Variants in ASZ1 observed in about 807,000 individuals in gnomAD.
The protein encoded by ASZ1 is ankyrin repeat, SAM and basic leucine zipper domain containing 1, also known as ankyrin repeat, SAM and basic leucine zipper domain-containing protein 1.
ASZ1 carries 67 observed loss-of-function variants against 61.8 expected under a neutral mutation model. The ratio of observed to expected loss-of-function variants is 1.08; its 90% CI spans 0.89 to 1.33. ASZ1 has a LOEUF of 1.33. ASZ1 is among the 40% of genes most tolerant of loss of function. ASZ1 has a pLI of 0.00. For synonymous variants in ASZ1, 193 were observed against 192.7 expected (o/e 1.00, Z -0.01); for missense variants, 577 against 554.5 (o/e 1.04, Z -0.41).
chr7:117,384,502 G>A (rs1056791534), intron 6 of ASZ1, among the ~76,000 whole-genome samples: 2 of 151,964 alleles, frequency 1.3e-5, no homozygotes, highest in African/African-American at 4.8e-5. Flanking sequence ...CTCTTTTATA[G>A]AGCTTTTAAA....
chr7:117,379,637 A>G (rs1252433420), intron 10 of ASZ1, among the ~76,000 whole-genome samples: 1 of 151,838 alleles, frequency 6.6e-6, no homozygotes, highest in Non-Finnish European at 1.5e-5. Flanking sequence ...TTAAAGGTAT[A>G]CTATAAAAAG....
intron 4 of ASZ1, among the ~76,000 whole-genome samples, chr7:117,410,865 G>A (rs1245024471): frequency 6.6e-6 from 1 of 151,624 alleles, no homozygotes; most frequent in Admixed American, 6.6e-5. Context: ...TAAGGAGGTA[G>A]TGGTATAATT....
At position 117,420,158 on chromosome 7, in the gene ASZ1, C is replaced by T. The variant is rs1797073422; in HGVS notation, c.440+5G>A. On this transcript the variant is annotated splice_donor_5th_base_variant and intron_variant, in intron 4 of 12. Coordinates refer to ENST00000284629, the MANE Select transcript of ASZ1 (RefSeq NM_130768.3). ...TGAATTTTGAACAGATATAAAGGCT[C>T]TTACCTACAAGCAACATTTGGATCA... 6.2e-7 allele frequency: 1 copy of T among 1,603,006 alleles called. No homozygotes were observed. Among genetic ancestry groups the T allele is most frequent in the Non-Finnish European group, 8.5e-7 (1 of 1,173,960 alleles).
intron 10 of ASZ1, among the ~76,000 whole-genome samples, chr7:117,373,904 TA>T (rs1271225401): frequency 6.6e-6 from 1 of 151,916 alleles, no homozygotes; most frequent in Non-Finnish European, 1.5e-5. Context: ...ATAGAAACAA[TA>T]ATGAAAAAAA....
intron 9 of ASZ1, among the ~76,000 whole-genome samples, chr7:117,380,762 C>T (rs1198833568): frequency 1.4e-5 from 2 of 147,130 alleles, no homozygotes; most frequent in African/African-American, 5.2e-5. Context: ...AGGATCAGTT[C>T]TAGCTGTCAT....
chr7:117,427,407 G>T lies in ASZ1; in HGVS notation c.54C>A (p.Ser18Arg), dbSNP rs761119176. ...GLPVAGGGES[S>R]ESEDDGWEIG... ...TCTCCCAGCCATCATCCTCGCTCTC[G>T]CTACTCTCGCCTCCGCCAGCCACTG... The change falls in exon 1 of 13, where the codon AGC (serine) becomes AGA (arginine). Residue 18 changes from serine to arginine, a missense_variant. Coordinates refer to ENST00000284629, the MANE Select transcript of ASZ1 (RefSeq NM_130768.3). 6.2e-7 allele frequency: 1 copy of T among 1,614,136 alleles called. No individual in the cohort carries two copies. Among genetic ancestry groups the T allele is most frequent in the Non-Finnish European group, 8.5e-7 (1 of 1,180,008 alleles).
intron 2 of ASZ1, among the ~76,000 whole-genome samples, chr7:117,426,538 T>C (rs1360192123): frequency 1.4e-5 from 2 of 141,004 alleles, no homozygotes; most frequent in African/African-American, 2.7e-5. Flanking sequence ...AGAAACAACA[T>C]TACAGCAGAG....
intron 4 of ASZ1, among the ~76,000 whole-genome samples, chr7:117,413,696 G>A (rs1333815615): frequency 6.6e-6 from 1 of 151,934 alleles, no homozygotes; most frequent in East Asian, 1.9e-4. Flanking sequence ...AAAGAACAAA[G>A]TGGTTCTACA....
At chr7:117,399,889 G>A (rs954655864) in intron 4 of ASZ1, among the ~76,000 whole-genome samples, 1 of 151,906 alleles carries the variant, frequency 6.6e-6, no homozygotes, top group Non-Finnish European at 1.5e-5. Context: ...AATAAAAGTT[G>A]GTTAAAAAGA....
In ASZ1 at chr7:117,379,865, T is replaced by C. The variant is rs985981538; in HGVS notation, c.1055+73A>G. The C allele has an allele frequency of 1.4e-5, 14 of 974,378 alleles. No individual in the cohort carries two copies. In the Admixed American group the frequency reaches 3.2e-4, roughly 22 times the overall value. The allele number at this position is 974,378 out of a possible 1,614,324, so 60.4% of individuals were successfully genotyped here. A position where few individuals can be genotyped will look rare whatever the true frequency, so the allele number is the denominator to read the frequency against. On this transcript the variant is annotated intron_variant, in intron 10 of 12. Coordinates refer to ENST00000284629, the MANE Select transcript of ASZ1 (RefSeq NM_130768.3). ...GTATCAAGTAAAATGACTCAGACATTATGAAAATTAAACTAAAAAGAACAA... is the reference window on the plus strand; with the variant it reads ...GTATCAAGTAAAATGACTCAGACATCATGAAAATTAAACTAAAAAGAACAA...
chr7:117,385,737 A>G lies in ASZ1; in HGVS notation c.513T>C (p.His171=), dbSNP rs1199784585. 25 of 1,613,062 alleles carry G rather than the reference A, an allele frequency of 1.5e-5. No individual in the cohort carries two copies. Among genetic ancestry groups the G allele is most frequent in the Non-Finnish European group, 2.1e-5 (25 of 1,179,174 alleles). ...HTQVVALLVA[H]GAEVNTQDEN... is the part of the protein sequence containing the mutation. ...CATCCTGGGTATTAACTTCTGCTCC[A>G]TGAGCAACAAGGAGAGCAACAACCT... The change falls in exon 5 of 13, where the codon CAT becomes CAC. Residue 171 remains histidine, a synonymous_variant. Coordinates refer to ENST00000284629, the MANE Select transcript of ASZ1 (RefSeq NM_130768.3).
intron 4 of ASZ1, among the ~76,000 whole-genome samples, chr7:117,418,467 A>G (rs1797037753): frequency 6.6e-6 from 1 of 152,106 alleles, no homozygotes; most frequent in Admixed American, 6.5e-5. Context: ...AGTCTGGCCA[A>G]CATGGTGAAA....
intron 4 of ASZ1, among the ~76,000 whole-genome samples, chr7:117,403,727 T>C (rs1029197104): frequency 1.4e-4 from 21 of 152,112 alleles, no homozygotes; most frequent in African/African-American, 5.1e-4. Flanking sequence ...ATGAGTGCAC[T>C]TGGCTCCAGT....
intron 2 of ASZ1, among the ~76,000 whole-genome samples, chr7:117,426,404 C>T (rs1432398739): frequency 9.1e-5 from 13 of 142,722 alleles, no homozygotes; most frequent in Non-Finnish European, 1.4e-4. Flanking sequence ...GCAGGAGAAT[C>T]GCTTGAACCC....
chr7:117,397,074 C>T (rs1458919019), intron 4 of ASZ1, among the ~76,000 whole-genome samples: 1 of 150,074 alleles, frequency 6.7e-6, no homozygotes, highest in Admixed American at 6.6e-5. Context: ...ATTAAAATAC[C>T]TAAAAGAATT....
intron 11 of ASZ1, chr7:117,367,800 A>C: frequency 3.0e-6 from 3 of 986,880 alleles, no homozygotes; most frequent in Non-Finnish European, 3.6e-6. Flanking sequence ...ACTGGAAAAC[A>C]AGTGCATTAA....
intron 2 of ASZ1, among the ~76,000 whole-genome samples, chr7:117,425,308 C>T (rs1797179676): frequency 6.9e-6 from 1 of 145,326 alleles, no homozygotes; most frequent in South Asian, 2.2e-4. Context: ...CTTTGTCGCC[C>T]AGGCTGGAGT....
chr7:117,410,038 T>G (rs928449024), intron 4 of ASZ1, among the ~76,000 whole-genome samples: 1 of 151,790 alleles, frequency 6.6e-6, no homozygotes, highest in Non-Finnish European at 1.5e-5. Context: ...AAACTTTTTA[T>G]GTAGATAATT....
intron 9 of ASZ1, 143 bp from the exon 10 acceptor site, chr7:117,380,190 T>G: frequency 1.7e-6 from 1 of 590,252 alleles, no homozygotes; most frequent in Non-Finnish European, 3.0e-6. Flanking sequence ...TTCTAAAAAA[T>G]ATGTTTTTCT....
Sources: gnomAD v4.1 joint callset for allele counts (sites outside exome capture counted in the v4.1 genomes callset) on GRCh38, gnomAD v4.1.1 for gene constraint, MANE v1.5 for transcripts, NCBI Gene and HGNC (gene_info 2026-07-23, HGNC 2026-07-21) for gene names.